The following RNF217 variants were observed in gnomAD, a reference collection of about 807,000 sequenced individuals.
The protein encoded by RNF217 is ring finger protein 217.
A neutral mutation model predicts 57.8 loss-of-function variants in RNF217; 31 were observed. The ratio of observed to expected loss-of-function variants is 0.54; its 90% CI spans 0.40 to 0.72. RNF217 has a LOEUF of 0.72. RNF217 is among the 30% of genes least tolerant of loss of function. The probability of loss-of-function intolerance (pLI) is 0.00; values close to 1 mark genes in which losing one functional copy is unlikely to be tolerated. For missense variants in RNF217, 696 were observed against 708.3 expected (o/e 0.98, Z 0.20); for synonymous variants, 313 against 294.0 (o/e 1.06, Z -0.66).
At chr6:125,037,077 GAA>G (rs537686040) in intron 1 of RNF217, among the ~76,000 whole-genome samples, 2 of 134,088 alleles carry the variant, frequency 1.5e-5, no homozygotes, top group Non-Finnish European at 3.2e-5. Flanking sequence ...ACAATTTATT[GAA>G]AAAAAAAAAA....
At chr6:125,058,365 T>C (rs1246901930) in intron 3 of RNF217, among the ~76,000 whole-genome samples, 1 of 152,126 alleles carries the variant, frequency 6.6e-6, no homozygotes, top group Non-Finnish European at 1.5e-5. Context: ...GGTCCTTATA[T>C]TACATTTAAA....
intron 1 of RNF217, among the ~76,000 whole-genome samples, chr6:124,980,760 A>C (rs1389239099): frequency 6.6e-6 from 1 of 152,180 alleles, no homozygotes; most frequent in Non-Finnish European, 1.5e-5. Flanking sequence ...TGAATGACTG[A>C]GTTGCCCCTC....
At chr6:124,963,586 A>G (rs554646572) in intron 1 of RNF217, among the ~76,000 whole-genome samples, 160 bp downstream of exon 1, 9 of 152,340 alleles carry the variant, frequency 5.9e-5, no homozygotes, top group African/African-American at 2.2e-4. Flanking sequence ...TAAGTGTATT[A>G]TGACCTCACT....
intron 2 of RNF217, among the ~76,000 whole-genome samples, chr6:125,055,803 A>G (rs1482536194): frequency 6.6e-6 from 1 of 152,124 alleles, no homozygotes; most frequent in Non-Finnish European, 1.5e-5. Flanking sequence ...GCTCCATGTG[A>G]TATTTACATC....
At chr6:125,057,249 C>A (rs779468197) in intron 2 of RNF217, among the ~76,000 whole-genome samples, 1 of 152,160 alleles carries the variant, frequency 6.6e-6, no homozygotes, top group East Asian at 1.9e-4. Context: ...AATCTCGGCT[C>A]GACTGCAACC....
chr6:125,074,735 C>G (rs1788301450), intron 3 of RNF217, among the ~76,000 whole-genome samples: 1 of 152,014 alleles, frequency 6.6e-6, no homozygotes, highest in African/African-American at 2.4e-5. Context: ...TACACTACTT[C>G]AGACATTCAA....
At chr6:125,004,993 G>A (rs1169458988) in intron 1 of RNF217, among the ~76,000 whole-genome samples, 1 of 152,130 alleles carries the variant, frequency 6.6e-6, no homozygotes, top group African/African-American at 2.4e-5. Flanking sequence ...ATCTGGTGAA[G>A]ACTTTTGTGC....
intron 1 of RNF217, among the ~76,000 whole-genome samples, chr6:124,964,405 G>C (rs1436912123): frequency 6.6e-6 from 1 of 151,702 alleles, no homozygotes; most frequent in African/African-American, 2.4e-5. Flanking sequence ...TTTCTTTCGT[G>C]TCTGCTTGTC....
chr6:124,974,890 C>G (rs1048724344), intron 1 of RNF217, among the ~76,000 whole-genome samples: 1 of 152,124 alleles, frequency 6.6e-6, no homozygotes, highest in Admixed American at 6.6e-5. Flanking sequence ...TAGATGTTGT[C>G]CTCGAGTTTC....
chr6:125,026,719 A>G (rs1786101749), intron 1 of RNF217, among the ~76,000 whole-genome samples: 1 of 152,192 alleles, frequency 6.6e-6, no homozygotes, highest in African/African-American at 2.4e-5. Flanking sequence ...TTGCATATTC[A>G]GTCCTTAAAC....
Position 125,084,629 on chromosome 6 carries a change from G to T in RNF217, c.*1692G>T, listed in dbSNP as rs899437230. On this transcript the variant is annotated 3_prime_UTR_variant, in exon 6 of 6. Coordinates refer to ENST00000521654, the MANE Select transcript of RNF217 (RefSeq NM_001286398.3). The stretch of plus-strand genomic sequence containing the variant: ...GACATAAAAAGTGAAGTTGACTTGC[G>T]TGAATAACAATCCAGCATGCTTTCA... 9 of 151,928 alleles carry T rather than the reference G, an allele frequency of 5.9e-5. No homozygotes were observed. Among genetic ancestry groups the T allele is most frequent in the African/African-American group, 1.9e-4 (8 of 41,412 alleles). 9.4% of individuals were successfully genotyped at this position (151,928 alleles called of 1,614,324 possible).
At chr6:124,981,876 A>C (rs1430807941) in intron 1 of RNF217, among the ~76,000 whole-genome samples, 1 of 151,294 alleles carries the variant, frequency 6.6e-6, no homozygotes, top group Non-Finnish European at 1.5e-5. Context: ...AAAAAAAAAA[A>C]ATTTGGCCGG....
intron 1 of RNF217, among the ~76,000 whole-genome samples, chr6:124,981,668 T>G (rs556039769): frequency 6.6e-6 from 1 of 152,242 alleles, no homozygotes; most frequent in East Asian, 1.9e-4. Flanking sequence ...CCTGGACTTG[T>G]GAAGATACGC....
intron 3 of RNF217, among the ~76,000 whole-genome samples, chr6:125,062,732 A>G (rs1163455673): frequency 6.6e-6 from 1 of 152,080 alleles, no homozygotes; most frequent in Non-Finnish European, 1.5e-5. Flanking sequence ...GCCCACCACC[A>G]TGCCCGGCTA....
intron 2 of RNF217, among the ~76,000 whole-genome samples, chr6:125,052,292 G>A (rs1431148735): frequency 3.6e-5 from 5 of 137,178 alleles, no homozygotes; most frequent in Admixed American, 1.4e-4. Context: ...TTTTGTGTGT[G>A]TGTGTGTGTG....
intron 1 of RNF217, among the ~76,000 whole-genome samples, chr6:125,034,847 T>A (rs1786534742): frequency 6.6e-6 from 1 of 152,100 alleles, no homozygotes; most frequent in Admixed American, 6.5e-5. Flanking sequence ...TGTTCTTCCA[T>A]TTGTTTGTAT....
Position 125,076,859 on chromosome 6 carries a change from G to A in RNF217, c.1483+1G>A, listed in dbSNP as rs778409539. The A allele has an allele frequency of 6.2e-7, 1 of 1,612,114 alleles. No individual in the cohort carries two copies. Among genetic ancestry groups the A allele is most frequent in the South Asian group, 1.1e-5 (1 of 91,042 alleles). On this transcript the variant is annotated splice_donor_variant, in intron 4 of 5. Transcript: ENST00000521654. LOFTEE classifies it high-confidence loss of function. ...AGATTAGTGCGAGGGTCAGTCTGTG[G>A]TGAGTGTCTGACATACTTATGGGTG...
chr6:125,029,126 T>A (rs1786236252), intron 1 of RNF217, among the ~76,000 whole-genome samples: 1 of 152,198 alleles, frequency 6.6e-6, no homozygotes. Context: ...CTTTTCAACC[T>A]AATTACAAAC....
At chr6:125,025,565 AGAAAAG>A in intron 1 of RNF217, among the ~76,000 whole-genome samples, 1 of 139,810 alleles carries the variant, frequency 7.2e-6, no homozygotes, top group East Asian at 2.2e-4. Flanking sequence ...GAAGGAAGGA[AGAAAAG>A]AAGGAAGGGA....
Sources: allele counts gnomAD v4.1 joint callset (sites outside exome capture counted in the v4.1 genomes callset), GRCh38; gene constraint gnomAD v4.1.1; transcripts MANE v1.5; gene names NCBI Gene and HGNC (gene_info 2026-07-23, HGNC 2026-07-21).